KIF3B: variants seen among roughly 807,000 people sequenced by gnomAD.
KIF3B encodes kinesin-like protein KIF3B.
KIF3B carries 38 observed loss-of-function variants against 74.3 expected under a neutral mutation model. That is an observed-to-expected ratio of 0.51 (90% CI 0.39 to 0.67). The LOEUF (loss-of-function observed/expected upper bound fraction) is 0.67, where lower values mean the gene tolerates loss of function less well. Among genes scored for constraint, KIF3B ranks in the 30% least tolerant of loss-of-function variants. The pLI is 0.00. For missense variants in KIF3B, 649 were observed against 932.0 expected (o/e 0.70, Z 3.95); for synonymous variants, 326 against 342.5 (o/e 0.95, Z 0.53).
chr20:32,286,566 A>AAT (rs2047668147), intron 1 of KIF3B, among the ~76,000 whole-genome samples: 1 of 152,202 alleles, frequency 6.6e-6, no homozygotes, highest in Non-Finnish European at 1.5e-5. Context: ...GCCTTTTAAA[A>AAT]ATATATAATT....
intron 1 of KIF3B, among the ~76,000 whole-genome samples, chr20:32,292,600 A>G (rs976649413): frequency 2.0e-5 from 3 of 150,538 alleles, no homozygotes; most frequent in African/African-American, 4.9e-5. Context: ...AAAAAAAAAA[A>G]AAAAAAGAAA....
At position 32,278,715 on chromosome 20, in the gene KIF3B, GA is replaced by G. The variant is rs374367514; in HGVS notation, c.-66+956del. 1.1e-4 allele frequency among the ~76,000 whole-genome samples: 16 copies of G among 152,018 alleles called. No individual in the cohort carries two copies. In the East Asian group the frequency reaches 2.9e-3, roughly 28 times the overall value. On this transcript the variant is annotated intron_variant, in intron 1 of 8. Transcript: ENST00000375712. ...CTGGGCTTCGTTGACCCTTCCAGAAGAAAAAAGGCATCTTTGTGTCCTTTGG... is the reference window on the plus strand; with the variant it reads ...CTGGGCTTCGTTGACCCTTCCAGAAGAAAAAGGCATCTTTGTGTCCTTTGG...
At chr20:32,289,685 CT>C (rs2047682503) in intron 1 of KIF3B, among the ~76,000 whole-genome samples, 1 of 152,072 alleles carries the variant, frequency 6.6e-6, no homozygotes, top group South Asian at 2.1e-4. Context: ...TATAAAGTTT[CT>C]TTTTAAAATA....
Position 32,322,124 on chromosome 20 carries a change from G to A in KIF3B, c.1749-4647G>A, listed in dbSNP as rs1430111981. On this transcript the variant is annotated intron_variant, in intron 5 of 8. Transcript: ENST00000375712. ...AATATTGTAATCTTAACAGTATTAA[G>A]TATTCAGATCCATGAACATGAGATG... Among the ~76,000 whole-genome samples, 7 of 152,088 alleles carry A rather than the reference G, an allele frequency of 4.6e-5. No individual in the cohort carries two copies. The East Asian group carries it at 1.4e-3, about 29-fold the overall frequency.
chr20:32,288,280 G>A (rs947330963), intron 1 of KIF3B, among the ~76,000 whole-genome samples: 1 of 152,092 alleles, frequency 6.6e-6, no homozygotes, highest in African/African-American at 2.4e-5. Context: ...CTTGAGGCCA[G>A]AAGTTTGAGA....
intron 5 of KIF3B, among the ~76,000 whole-genome samples, chr20:32,321,128 G>A (rs571836141): frequency 1.3e-5 from 2 of 151,844 alleles, no homozygotes; most frequent in African/African-American, 2.4e-5. Context: ...CATTGTCTTG[G>A]CATACTTATT....
chr20:32,311,258 A>G, intron 2 of KIF3B, 77 bp downstream of exon 2: 1 of 1,435,374 alleles, frequency 7.0e-7, no homozygotes, highest in South Asian at 1.5e-5. Context: ...CAAAAAACAT[A>G]ACCATATGAG....
chr20:32,323,167 TA>T, intron 5 of KIF3B, among the ~76,000 whole-genome samples: 1 of 119,220 alleles, frequency 8.4e-6, no homozygotes, highest in Admixed American at 1.1e-4. Flanking sequence ...TTTATATATT[TA>T]TATTTATATA....
chr20:32,283,576 G>A (rs2047654058), intron 1 of KIF3B, among the ~76,000 whole-genome samples: 1 of 151,462 alleles, frequency 6.6e-6, no homozygotes, highest in Admixed American at 6.6e-5. Context: ...TTGGGAGGCT[G>A]AGGCACGTGG....
chr20:32,289,569 A>G (rs1399026636), intron 1 of KIF3B, among the ~76,000 whole-genome samples: 1 of 152,186 alleles, frequency 6.6e-6, no homozygotes, highest in Non-Finnish European at 1.5e-5. Flanking sequence ...GATAAGCTAC[A>G]GTATTTAGCT....
At chr20:32,309,657 C>G (rs1163636905) in intron 1 of KIF3B, 56 bp from the exon 2 acceptor site, 1 of 1,126,242 alleles carries the variant, frequency 8.9e-7, no homozygotes, top group Non-Finnish European at 1.2e-6. Flanking sequence ...CAGCTTCTGT[C>G]AGGCAGGCTG....
Position 32,311,063 on chromosome 20 carries a change from T to C in KIF3B, c.1286T>C (p.Val429Ala). 1.2e-6 allele frequency: 2 copies of C among 1,613,620 alleles called. No homozygotes were observed. The highest frequency in any genetic ancestry group is 1.7e-6 in the Non-Finnish European group (2 of 1,179,890). Residue 429 changes from valine to alanine, a missense_variant, in exon 2 of 9, where the codon GTA becomes GCA. Physicochemically the swap from Val to Ala is moderately conservative, Grantham distance 64 (BLOSUM62 0). This residue lies in a region of KIF3B where 363 missense variants were observed against 592.8 expected (regional missense o/e 0.61). Coordinates refer to ENST00000375712, the MANE Select transcript of KIF3B (RefSeq NM_004798.4). ...CTGGAGATTGAGAAGCGGGCCATTG[T>C]AGAGGATCACAGCTTGGTTGCAGAG... ...EKLEIEKRAI[V>A]EDHSLVAEEK...
At chr20:32,317,886 C>T (rs2047836428) in intron 5 of KIF3B, among the ~76,000 whole-genome samples, 1 of 152,160 alleles carries the variant, frequency 6.6e-6, no homozygotes, top group African/African-American at 2.4e-5. Context: ...AGCAATCCTC[C>T]TGTTTCAGCC....
Position 32,316,611 on chromosome 20 carries a change from C to T in KIF3B, c.1591C>T (p.Gln531Ter). The change falls in exon 4 of 9, where the codon CAG becomes TAG. Residue 531 changes from glutamine to a stop codon, truncating the protein, a stop_gained. Coordinates refer to ENST00000375712, the MANE Select transcript of KIF3B (RefSeq NM_004798.4). LOFTEE classifies it high-confidence loss of function. ...ACTTAAAGAGACATACAGCTCATTG[C>T]AGCAAGAGGTGGACATCAAGACCAA... Reference protein sequence around the residue: ...LELKETYSSLQQEVDIKTKKL... With the variant: ...LELKETYSSL 6.2e-7 allele frequency: 1 copy of T among 1,614,042 alleles called. No individual in the cohort carries two copies. Among genetic ancestry groups the T allele is most frequent in the Non-Finnish European group, 8.5e-7 (1 of 1,180,010 alleles).
chr20:32,311,760 A>AC (rs976238517), intron 2 of KIF3B, among the ~76,000 whole-genome samples: 1 of 146,696 alleles, frequency 6.8e-6, no homozygotes, highest in Non-Finnish European at 1.5e-5. Context: ...ACACCCACGT[A>AC]CCCCCCCACC....
In KIF3B at chr20:32,334,328, G is replaced by A. The variant is rs41289846; in HGVS notation, c.*3009G>A. 0.031 allele frequency: 4,662 copies of A among 152,666 alleles called. 115 individuals carry two copies. The highest frequency in any genetic ancestry group is 0.045 in the Non-Finnish European group (3,066 of 68,076). 9.5% of individuals were successfully genotyped at this position (152,666 alleles called of 1,614,324 possible). On this transcript the variant is annotated 3_prime_UTR_variant, in exon 9 of 9. Transcript: ENST00000375712. ...CTGACCTAACGCTGGATTATTTCCC[G>A]TCCAATGCCTGCATGCTGCTTGAAT...
intron 1 of KIF3B, among the ~76,000 whole-genome samples, chr20:32,285,061 T>C (rs1454027285): frequency 6.7e-6 from 1 of 148,860 alleles, no homozygotes; most frequent in African/African-American, 2.5e-5. Context: ...CAAAGGCCTT[T>C]CTCTTCCATA....
chr20:32,277,706 C>CCG lies in KIF3B; in HGVS notation c.-124_-123insGC. ...ATGGCTGAGCCAGGGGTTCGCCGCC[C>CCG]CCGCCGCCGCCGCCGCCGCCGCCGC... is the stretch of plus-strand genomic sequence containing the variant. On this transcript the variant is annotated 5_prime_UTR_variant, in exon 1 of 9. The change abolishes the stop of an existing upstream ORF in the 5' untranslated region. Coordinates refer to ENST00000375712, the MANE Select transcript of KIF3B (RefSeq NM_004798.4). The CCG allele has an allele frequency of 3.8e-6, 1 of 261,080 alleles. No individual in the cohort carries two copies. Among genetic ancestry groups the CCG allele is most frequent in the Non-Finnish European group, 7.0e-6 (1 of 143,694 alleles). The allele number at this position is 261,080 out of a possible 1,614,324, so 16.2% of individuals were successfully genotyped here.
At chr20:32,311,301 A>G (rs944899597) in intron 2 of KIF3B, 120 bp downstream of exon 2, 13 of 1,060,240 alleles carry the variant, frequency 1.2e-5, no homozygotes, top group African/African-American at 6.4e-5. Context: ...TGGATTTCCA[A>G]CAGCTCATGA....
Sources: gnomAD v4.1 joint callset for allele counts (sites outside exome capture counted in the v4.1 genomes callset) on GRCh38, gnomAD v4.1.1 for gene constraint, gnomAD v4.1.1 regional missense constraint, MANE v1.5 for transcripts, NCBI Gene and HGNC (gene_info 2026-07-23, HGNC 2026-07-21) for gene names.